Variants in PRTG observed in about 807,000 individuals in gnomAD.
PRTG encodes the protein immunoglobulin superfamily, DCC subclass, member 5.
PRTG carries 67 observed loss-of-function variants against 122.5 expected under a neutral mutation model. The observed-to-expected ratio is 0.55, with a 90% CI of 0.45 to 0.67. PRTG has a LOEUF of 0.67. Ranked by LOEUF, PRTG falls within the 30% of genes least tolerant of loss-of-function variation. PRTG has a pLI of 0.00. For synonymous variants in PRTG, 554 were observed against 501.1 expected (o/e 1.11, Z -1.41); for missense variants, 1,435 against 1,415.4 (o/e 1.01, Z -0.22).
intron 11 of PRTG, among the ~76,000 whole-genome samples, chr15:55,649,495 T>C (rs1037097101): frequency 7.9e-5 from 12 of 151,986 alleles, no homozygotes; most frequent in African/African-American, 2.7e-4. Flanking sequence ...AATAAAAATA[T>C]CAATAGTAGT....
chr15:55,627,186 T>A, intron 16 of PRTG, 58 bp from the exon 17 acceptor site: 3 of 1,367,650 alleles, frequency 2.2e-6, no homozygotes, highest in Non-Finnish European at 2.9e-6. Context: ...ATTTAATTTA[T>A]AATTCTCAGG....
rs773154723 is a variant in PRTG at position 55,620,614 on chromosome 15, T to A, written c.3198+49A>T. 1.8e-5 allele frequency: 28 copies of A among 1,547,064 alleles called. No homozygotes were observed. The South Asian group carries it at 3.3e-4, about 18-fold the overall frequency. On this transcript the variant is annotated intron_variant, in intron 19 of 19. Transcript: ENST00000389286. ...ACATTTTCCTCTTTTTAAATCATCA[T>A]TTCATATATCACGCATTGCCAAAAA...
rs773612133 is a variant in PRTG, at chr15:55,624,468, T to C, written c.2967A>G (p.Gln989=). 9.9e-6 allele frequency: 16 copies of C among 1,613,914 alleles called. No individual in the cohort carries two copies. The South Asian group carries it at 1.6e-4, about 17-fold the overall frequency. Reference sequence around the variant, plus strand: ...AGGAGGCACTGGTACGAGGTAACTGTTGAGTTCCATTCTGTGCCGTCTTGG... The same window carrying C: ...AGGAGGCACTGGTACGAGGTAACTGCTGAGTTCCATTCTGTGCCGTCTTGG... The part of the protein sequence containing the change: ...SASKTAQNGT[Q]QLPRTSASLA... The change falls in exon 18 of 20, where the codon CAA becomes CAG. Residue 989 remains glutamine, a synonymous_variant. Coordinates refer to ENST00000389286, the MANE Select transcript of PRTG (RefSeq NM_173814.6).
intron 15 of PRTG, among the ~76,000 whole-genome samples, chr15:55,636,234 C>T (rs1334125103): frequency 1.3e-5 from 2 of 151,988 alleles, no homozygotes; most frequent in African/African-American, 4.8e-5. Flanking sequence ...AATTAAATTC[C>T]GTGTTCTTAA....
At chr15:55,628,035 C>G (rs1446448870) in intron 16 of PRTG, among the ~76,000 whole-genome samples, 2 of 152,132 alleles carry the variant, frequency 1.3e-5, no homozygotes, top group Admixed American at 1.3e-4. Flanking sequence ...CCTGATAACA[C>G]GGTGGCTACG....
At chr15:55,681,277 T>A (rs775680551) in intron 4 of PRTG, 36 of 152,046 alleles carry the variant, frequency 2.4e-4, no homozygotes, top group Non-Finnish European at 4.4e-4. Flanking sequence ...ATACATAACT[T>A]CAGCCTCTTA....
At chr15:55,717,476 A>G (rs1466857735) in intron 2 of PRTG, among the ~76,000 whole-genome samples, 1 of 152,228 alleles carries the variant, frequency 6.6e-6, no homozygotes, top group Non-Finnish European at 1.5e-5. Context: ...TCTGGGATTT[A>G]CCATCTGAAA....
In PRTG at chr15:55,743,124, G is replaced by T; in HGVS notation, c.-193C>A. ...CGGACGGCCGCTCGCGAGAAGCAAG[G>T]GGCCTGAGAGTCCGGCTGGGGGCGG... On this transcript the variant is annotated 5_prime_UTR_variant, in exon 1 of 20. Coordinates refer to ENST00000389286, the MANE Select transcript of PRTG (RefSeq NM_173814.6). 7.9e-7 allele frequency: 1 copy of T among 1,262,760 alleles called. No homozygotes were observed. Among genetic ancestry groups the T allele is most frequent in the South Asian group, 2.9e-5 (1 of 34,084 alleles). 78.2% of individuals were successfully genotyped at this position (1,262,760 alleles called of 1,614,324 possible). A position where few individuals can be genotyped will look rare whatever the true frequency, so the allele number is the denominator to read the frequency against.
At chr15:55,639,277 C>T (rs2059276057) in intron 13 of PRTG, among the ~76,000 whole-genome samples, 1 of 152,192 alleles carries the variant, frequency 6.6e-6, no homozygotes. Context: ...TCTTTCTTAA[C>T]TCTAACCTAG....
In PRTG at chr15:55,612,421, A is replaced by G. The variant is rs2059124186; in HGVS notation, c.*7591T>C. The G allele has an allele frequency of 2.0e-5, 3 of 151,950 alleles. No individual in the cohort carries two copies. 9.4% of individuals were successfully genotyped at this position (151,950 alleles called of 1,614,324 possible). A position where few individuals can be genotyped will look rare whatever the true frequency, so the allele number is the denominator to read the frequency against. On this transcript the variant is annotated 3_prime_UTR_variant, in exon 20 of 20. Transcript: ENST00000389286. ...CAAAGCTGTTCAGAATAGTATATGG[A>G]TAAGAAAAAAGGGAAAATATTTCCT...
At chr15:55,735,382 A>T (rs1474067952) in intron 2 of PRTG, among the ~76,000 whole-genome samples, 1 of 152,180 alleles carries the variant, frequency 6.6e-6, no homozygotes, top group Non-Finnish European at 1.5e-5. Flanking sequence ...AGGTAACCTC[A>T]AATGTATTTT....
intron 2 of PRTG, chr15:55,738,071 A>AAAAT (rs2031490450): frequency 1.9e-5 from 2 of 105,440 alleles, no homozygotes; most frequent in Admixed American, 2.1e-4. Flanking sequence ...TCTTCCTGTA[A>AAAAT]ATATATATAT....
chr15:55,741,677 C>G (rs1241498940), intron 1 of PRTG, among the ~76,000 whole-genome samples: 1 of 152,188 alleles, frequency 6.6e-6, no homozygotes, highest in Non-Finnish European at 1.5e-5. Context: ...TCCTCCTGAT[C>G]GTTGTGGATC....
intron 2 of PRTG, among the ~76,000 whole-genome samples, chr15:55,699,976 T>G (rs74406062): frequency 0.074 from 11,320 of 152,240 alleles, 532 homozygotes; most frequent in Non-Finnish European, 0.11. Flanking sequence ...GGACCTAGAA[T>G]AGCCAAAACA....
intron 2 of PRTG, among the ~76,000 whole-genome samples, chr15:55,688,384 A>G (rs1260811241): frequency 2.7e-5 from 4 of 147,776 alleles, no homozygotes; most frequent in South Asian, 2.3e-4. Context: ...TTCTCTCTCC[A>G]TGGTCTTTTT....
chr15:55,733,225 G>A (rs1330706222), intron 2 of PRTG, among the ~76,000 whole-genome samples: 1 of 152,038 alleles, frequency 6.6e-6, no homozygotes, highest in East Asian at 1.9e-4. Context: ...AGTAAATGGA[G>A]GCCAGGCGTG....
intron 2 of PRTG, among the ~76,000 whole-genome samples, chr15:55,726,870 C>T (rs180981609): frequency 2.2e-4 from 33 of 150,880 alleles, no homozygotes; most frequent in African/African-American, 8.0e-4. Flanking sequence ...CTGCTTGAGT[C>T]TGGGCAAGCA....
chr15:55,654,460 G>C (rs1012994912), intron 11 of PRTG, among the ~76,000 whole-genome samples: 1 of 152,184 alleles, frequency 6.6e-6, no homozygotes, highest in African/African-American at 2.4e-5. Context: ...TAGAATAGCG[G>C]TGTGTGTGCC....
In PRTG at chr15:55,680,513, T is replaced by C. The variant is rs1284854194; in HGVS notation, c.792A>G (p.Pro264=). ...TACCAAGGCGGCTCCAAGAAATGAT[T>C]GGTTTGGGATTTCCTGTGGCCATGC... ...LECMATGNPK[P]IISWSRLDHK... The change falls in exon 5 of 20, where the codon CCA becomes CCG. Residue 264 remains proline (P), a synonymous_variant. Transcript: ENST00000389286. 1.9e-6 allele frequency: 3 copies of C among 1,596,910 alleles called. No individual in the cohort carries two copies. The highest frequency in any genetic ancestry group is 1.3e-5 in the African/African-American group (1 of 74,466).
Sources: gnomAD v4.1 joint callset for allele counts (sites outside exome capture counted in the v4.1 genomes callset) on GRCh38, gnomAD v4.1.1 for gene constraint, MANE v1.5 for transcripts, NCBI Gene and HGNC (gene_info 2026-07-23, HGNC 2026-07-21) for gene names.